The following RNLS variants were observed in gnomAD, a reference collection of about 807,000 sequenced individuals.
The protein encoded by RNLS is renalase.
In RNLS, 39 loss-of-function variants were observed where a neutral mutation model predicts 39.8. The observed-to-expected ratio is 0.98, with a 90% CI of 0.76 to 1.28. The LOEUF (loss-of-function observed/expected upper bound fraction) is 1.28. Among genes scored for constraint, RNLS ranks in the 50% most tolerant of loss-of-function variants. The pLI, the probability that RNLS is intolerant of heterozygous loss-of-function variation, is 0.00. For missense variants in RNLS, 410 were observed against 413.3 expected, an observed-to-expected ratio of 0.99 and a Z score of 0.07; for synonymous variants, 147 against 150.7, an observed-to-expected ratio of 0.98 and a Z score of 0.18.
chr10:88,247,502 C>T, the RNLS span, among the ~76,000 whole-genome samples: 1 of 152,172 alleles, frequency 6.6e-6, no homozygotes, highest in African/African-American at 2.4e-5. Context: ...TGACCTTGGG[C>T]CAGCTATTCT....
At chr10:88,476,929 A>C (rs910961815) in intron 4 of RNLS, among the ~76,000 whole-genome samples, 2 of 152,056 alleles carry the variant, frequency 1.3e-5, no homozygotes, top group Admixed American at 1.3e-4. Context: ...AATTTAATTA[A>C]ATTTATTTAA....
chr10:88,559,284 G>A (rs1384285472), intron 4 of RNLS, among the ~76,000 whole-genome samples: 1 of 152,122 alleles, frequency 6.6e-6, no homozygotes, highest in Non-Finnish European at 1.5e-5. Flanking sequence ...ACAGCCTTTA[G>A]AACAACATTT....
chr10:88,349,550 G>A (rs933353396), intron 5 of RNLS, among the ~76,000 whole-genome samples: 2 of 152,082 alleles, frequency 1.3e-5, no homozygotes, highest in African/African-American at 4.8e-5. Flanking sequence ...CAATCCTCCT[G>A]CCTTGGCCTC....
intron 4 of RNLS, among the ~76,000 whole-genome samples, chr10:88,364,264 C>G (rs1849871262): frequency 6.6e-6 from 1 of 152,072 alleles, no homozygotes; most frequent in African/African-American, 2.4e-5. Flanking sequence ...ATAAGTGAAC[C>G]TCAAGGATGA....
At chr10:88,369,913 T>A (rs927605794) in intron 4 of RNLS, among the ~76,000 whole-genome samples, 3 of 152,188 alleles carry the variant, frequency 2.0e-5, no homozygotes, top group African/African-American at 7.2e-5. Flanking sequence ...TTTGAACTCC[T>A]GACCTCAAAT....
the RNLS span, among the ~76,000 whole-genome samples, chr10:88,249,836 G>C: frequency 3.9e-5 from 6 of 152,128 alleles, no homozygotes; most frequent in Admixed American, 1.3e-4. Context: ...CCACTATTCT[G>C]TAAGTTGCGA....
chr10:88,447,633 T>TGG (rs1259791508), intron 4 of RNLS, among the ~76,000 whole-genome samples: 5 of 152,208 alleles, frequency 3.3e-5, no homozygotes, highest in African/African-American at 1.2e-4. Context: ...ACCAATGACT[T>TGG]TCTTCACAGA....
At chr10:88,457,251 T>C (rs968161980) in intron 4 of RNLS, among the ~76,000 whole-genome samples, 5 of 152,208 alleles carry the variant, frequency 3.3e-5, no homozygotes, top group African/African-American at 1.2e-4. Flanking sequence ...ACAAAATTGC[T>C]GTACCTCCCT....
rs576574053 is a variant in RNLS at position 88,462,165 on chromosome 10, G to A, written c.527-99440C>T. Reference sequence around the variant, plus strand: ...GTGTGTTTTGACAAACCACTGACCAGACAATAGGTATATAGACTATATTAG... The same window carrying A: ...GTGTGTTTTGACAAACCACTGACCAAACAATAGGTATATAGACTATATTAG... On this transcript the variant is annotated intron_variant, in intron 4 of 6. Transcript: ENST00000331772. Among the ~76,000 whole-genome samples, 7 of 151,980 alleles carry A rather than the reference G, an allele frequency of 4.6e-5. No individual in the cohort carries two copies. In the South Asian group the frequency reaches 1.5e-3, roughly 32 times the overall value.
chr10:88,174,041 T>G, the RNLS span, among the ~76,000 whole-genome samples: 1 of 152,138 alleles, frequency 6.6e-6, no homozygotes, highest in African/African-American at 2.4e-5. Context: ...TCTTAATTTC[T>G]TTTTCAGCTA....
At chr10:88,426,450 T>A (rs1854769973) in intron 4 of RNLS, among the ~76,000 whole-genome samples, 1 of 151,942 alleles carries the variant, frequency 6.6e-6, no homozygotes, top group South Asian at 2.1e-4. Flanking sequence ...CCCCTTTTTT[T>A]ACTGTTGGGA....
At chr10:88,174,614 G>T in the RNLS span, among the ~76,000 whole-genome samples, 1 of 152,242 alleles carries the variant, frequency 6.6e-6, no homozygotes, top group African/African-American at 2.4e-5. Flanking sequence ...AATCTCACCC[G>T]ATTATGGTGT....
At position 88,524,996 on chromosome 10, in the gene RNLS, T is replaced by TATATATAC. The variant is rs747088303; in HGVS notation, c.526+47906_526+47907insGTATATAT. ...ATATATATATATATATATATATATA[T>TATATATAC]ATACACACACACACATACTATGTAC... On this transcript the variant is annotated intron_variant, in intron 4 of 6. Transcript: ENST00000331772. 3.2e-5 allele frequency among the ~76,000 whole-genome samples: 4 copies of TATATATAC among 124,090 alleles called. No individual in the cohort carries two copies. In the Admixed American group the frequency reaches 3.3e-4, roughly 10 times the overall value. The allele number at this position is 124,090 out of a possible 152,430, so 81.4% of individuals were successfully genotyped here.
chr10:88,211,952 C>T, the RNLS span, among the ~76,000 whole-genome samples: 1 of 152,172 alleles, frequency 6.6e-6, no homozygotes, highest in African/African-American at 2.4e-5. Flanking sequence ...AGGAGCATGT[C>T]AGGGAGGACA....
intron 4 of RNLS, among the ~76,000 whole-genome samples, chr10:88,367,969 T>A (rs1042135708): frequency 6.6e-6 from 1 of 152,238 alleles, no homozygotes; most frequent in East Asian, 1.9e-4. Flanking sequence ...CTTAATAGTA[T>A]GATTTGATGA....
intron 4 of RNLS, among the ~76,000 whole-genome samples, chr10:88,465,610 G>T (rs1480019814): frequency 2.6e-5 from 4 of 152,024 alleles, no homozygotes; most frequent in Admixed American, 2.6e-4. Context: ...ACTCAAATGT[G>T]GGGTAATCCT....
intron 4 of RNLS, among the ~76,000 whole-genome samples, chr10:88,391,457 C>T (rs929888002): frequency 6.6e-6 from 1 of 152,118 alleles, no homozygotes; most frequent in Non-Finnish European, 1.5e-5. Flanking sequence ...ACTTGGGAGG[C>T]TGAGGCAGGA....
chr10:88,254,574 A>G, the RNLS span, among the ~76,000 whole-genome samples: 2 of 152,232 alleles, frequency 1.3e-5, no homozygotes, highest in East Asian at 3.8e-4. Flanking sequence ...GATTTCTGTG[A>G]GACACACCTG....
intron 5 of RNLS, among the ~76,000 whole-genome samples, chr10:88,319,937 A>C (rs1846051427): frequency 6.6e-6 from 1 of 152,070 alleles, no homozygotes; most frequent in Admixed American, 6.5e-5. Context: ...AAATTTAGAA[A>C]ACTCTCGCAA....
Sources: allele counts gnomAD v4.1 joint callset (sites outside exome capture counted in the v4.1 genomes callset), GRCh38; gene constraint gnomAD v4.1.1; transcripts MANE v1.5; gene names NCBI Gene and HGNC (gene_info 2026-07-23, HGNC 2026-07-21).